The following PPP1R14C variants were observed in gnomAD, a reference collection of about 807,000 sequenced individuals.
PPP1R14C encodes protein phosphatase 1 regulatory subunit 14C.
In PPP1R14C, 16 loss-of-function variants were observed where a neutral mutation model predicts 20.4. That is an observed-to-expected ratio of 0.78 (90% CI 0.53 to 1.19). The LOEUF (loss-of-function observed/expected upper bound fraction) is 1.19, where lower values mean the gene tolerates loss of function less well. Ranked by LOEUF, PPP1R14C falls within the 50% of genes most tolerant of loss-of-function variation. PPP1R14C has a pLI of 0.00. For synonymous variants in PPP1R14C, 91 were observed against 91.0 expected, an observed-to-expected ratio of 1.00 and a Z score of 0.00; for missense variants, 211 against 220.1, an observed-to-expected ratio of 0.96 and a Z score of 0.26.
intron 1 of PPP1R14C, among the ~76,000 whole-genome samples, chr6:150,197,090 A>G (rs1777813688): frequency 6.6e-6 from 1 of 152,132 alleles, no homozygotes; most frequent in Non-Finnish European, 1.5e-5. Flanking sequence ...CTGCACCTCT[A>G]TAGATCCCGA....
chr6:150,208,045 C>A (rs1777975820), intron 1 of PPP1R14C, among the ~76,000 whole-genome samples: 1 of 152,144 alleles, frequency 6.6e-6, no homozygotes, highest in South Asian at 2.1e-4. Flanking sequence ...ACCAGCGCCT[C>A]ATGAGAACCA....
intron 1 of PPP1R14C, among the ~76,000 whole-genome samples, chr6:150,168,778 A>G (rs1367404716): frequency 2.0e-5 from 3 of 152,230 alleles, no homozygotes; most frequent in Admixed American, 2.0e-4. Context: ...ACTTTATTAT[A>G]TAATTACTCT....
intron 3 of PPP1R14C, among the ~76,000 whole-genome samples, chr6:150,219,692 G>A (rs1164763112): frequency 6.6e-6 from 1 of 152,014 alleles, no homozygotes; most frequent in Non-Finnish European, 1.5e-5. Context: ...GTTTTTCTTT[G>A]TGTTTATGTT....
intron 1 of PPP1R14C, among the ~76,000 whole-genome samples, chr6:150,152,166 C>T (rs1224564691): frequency 2.0e-5 from 3 of 150,896 alleles, no homozygotes; most frequent in Non-Finnish European, 4.4e-5. Flanking sequence ...GATTGCAAAC[C>T]TTGTCCTTCA....
chr6:150,204,780 C>T (rs1015075059), intron 1 of PPP1R14C, among the ~76,000 whole-genome samples: 6 of 152,172 alleles, frequency 3.9e-5, no homozygotes, highest in African/African-American at 1.2e-4. Context: ...CTGGGCACAA[C>T]ACCACTTGGC....
chr6:150,151,125 C>T (rs755910621), intron 1 of PPP1R14C, among the ~76,000 whole-genome samples: 8 of 151,892 alleles, frequency 5.3e-5, no homozygotes, highest in East Asian at 1.9e-4. Flanking sequence ...TGTCCATATG[C>T]GGACAACGTG....
At chr6:150,168,963 G>C (rs1465406144) in intron 1 of PPP1R14C, among the ~76,000 whole-genome samples, 1 of 152,138 alleles carries the variant, frequency 6.6e-6, no homozygotes, top group Non-Finnish European at 1.5e-5. Flanking sequence ...TGCAACATCT[G>C]CCTCCCAGGC....
At chr6:150,214,669 C>T in intron 1 of PPP1R14C, 75 bp from the exon 2 acceptor site, 1 of 1,078,706 alleles carries the variant, frequency 9.3e-7, no homozygotes, top group Non-Finnish European at 1.4e-6. Context: ...GTTTGTTCAA[C>T]TTAACCTAAC....
At chr6:150,208,467 C>T (rs1777981089) in intron 1 of PPP1R14C, among the ~76,000 whole-genome samples, 1 of 151,840 alleles carries the variant, frequency 6.6e-6, no homozygotes. Context: ...TTTGCAGATT[C>T]CAGGGCTGAT....
chr6:150,186,191 T>C (rs905194906), intron 1 of PPP1R14C, among the ~76,000 whole-genome samples: 2 of 152,332 alleles, frequency 1.3e-5, no homozygotes, highest in Admixed American at 1.3e-4. Context: ...AATTAATTGT[T>C]TTATTTAATC....
chr6:150,143,135 CG>C lies in PPP1R14C; in HGVS notation c.-55del. 1 of 1,185,574 alleles carries C rather than the reference CG, an allele frequency of 8.4e-7. No individual in the cohort carries two copies. Among genetic ancestry groups the C allele is most frequent in the Non-Finnish European group, 1.0e-6 (1 of 961,112 alleles). 73.4% of individuals were successfully genotyped at this position (1,185,574 alleles called of 1,614,324 possible). ...GCCGGGCCGGAGGTGGTAGCGGCGCCGGGCGCGCTCCGCCCGCCCCTCCTCC... is the reference window on the plus strand; with the variant it reads ...GCCGGGCCGGAGGTGGTAGCGGCGCCGGCGCGCTCCGCCCGCCCCTCCTCC... On this transcript the variant is annotated 5_prime_UTR_variant, in exon 1 of 4. Transcript: ENST00000361131. The surrounding 1 kb of genome is among the most constrained non-coding windows in gnomAD (Gnocchi z 5.6).
intron 1 of PPP1R14C, among the ~76,000 whole-genome samples, chr6:150,162,261 G>A (rs1777378285): frequency 6.6e-6 from 1 of 152,154 alleles, no homozygotes; most frequent in Admixed American, 6.5e-5. Context: ...CGCCATGTTG[G>A]CCAGCCTGAT....
chr6:150,206,175 G>A (rs1171083468), intron 1 of PPP1R14C, among the ~76,000 whole-genome samples: 2 of 151,970 alleles, frequency 1.3e-5, no homozygotes, highest in East Asian at 3.8e-4. Flanking sequence ...TACCTTTCTC[G>A]CTGAGCCTTA....
At chr6:150,157,232 TA>T (rs919365082) in intron 1 of PPP1R14C, among the ~76,000 whole-genome samples, 4 of 152,244 alleles carry the variant, frequency 2.6e-5, no homozygotes, top group African/African-American at 9.6e-5. Flanking sequence ...TGTCAGCTGT[TA>T]AAACCACAAC....
chr6:150,216,719 C>T (rs966156774), intron 2 of PPP1R14C, 105 bp from the exon 3 acceptor site: 1 of 765,588 alleles, frequency 1.3e-6, no homozygotes, highest in Non-Finnish European at 2.1e-6. Flanking sequence ...CTTGATTTAC[C>T]ATTATAAAAT....
chr6:150,154,123 A>G (rs1777279743), intron 1 of PPP1R14C, among the ~76,000 whole-genome samples: 1 of 152,228 alleles, frequency 6.6e-6, no homozygotes, highest in South Asian at 2.1e-4. Flanking sequence ...TTCTTTACTC[A>G]AAGTCTGTGT....
intron 1 of PPP1R14C, among the ~76,000 whole-genome samples, chr6:150,190,264 C>T (rs1777725983): frequency 6.6e-6 from 1 of 152,036 alleles, no homozygotes; most frequent in Non-Finnish European, 1.5e-5. Flanking sequence ...CACCTGAACA[C>T]TTAGTAAGAA....
At chr6:150,241,616 GTGGCTCACGCT>G (rs1388035394) in intron 3 of PPP1R14C, among the ~76,000 whole-genome samples, 1 of 152,220 alleles carries the variant, frequency 6.6e-6, no homozygotes, top group Admixed American at 6.5e-5. Context: ...GCCAGGCACA[GTGGCTCACGCT>G]TGTAATCTCA....
At chr6:150,247,583 AT>A (rs1382188167) in intron 3 of PPP1R14C, among the ~76,000 whole-genome samples, 1 of 152,240 alleles carries the variant, frequency 6.6e-6, no homozygotes, top group African/African-American at 2.4e-5. Context: ...ACCAGAGTGC[AT>A]GGCATGTAGT....
Sources: allele counts gnomAD v4.1 joint callset (sites outside exome capture counted in the v4.1 genomes callset), GRCh38; gene constraint gnomAD v4.1.1; non-coding constraint Gnocchi (gnomAD v3.1); transcripts MANE v1.5; gene names NCBI Gene and HGNC (gene_info 2026-07-23, HGNC 2026-07-21).